HMX1: variants seen among roughly 807,000 people sequenced by gnomAD.
HMX1 encodes homeobox protein HMX1.
A neutral mutation model predicts 8.9 loss-of-function variants in HMX1; 8 were observed. That is an observed-to-expected ratio of 0.90 (90% CI 0.53 to 1.63). The LOEUF (loss-of-function observed/expected upper bound fraction) is 1.63, where lower values mean the gene tolerates loss of function less well. Ranked by LOEUF, HMX1 falls within the 40% of genes most tolerant of loss-of-function variation. The pLI is 0.00. For synonymous variants in HMX1, 311 were observed against 283.4 expected (o/e 1.10, Z -0.98); for missense variants, 621 against 558.5 (o/e 1.11, Z -1.13).
chr4:8,850,883 G>A (rs1341723516), intron 1 of HMX1, among the ~76,000 whole-genome samples: 1 of 152,216 alleles, frequency 6.6e-6, no homozygotes, highest in African/African-American at 2.4e-5. Flanking sequence ...TGGTCTCCAG[G>A]ACAGTGCCCA....
chr4:8,850,596 CAT>C (rs1721416697), intron 1 of HMX1, among the ~76,000 whole-genome samples: 1 of 152,362 alleles, frequency 6.6e-6, no homozygotes, highest in South Asian at 2.1e-4. Context: ...CCCCACAACA[CAT>C]GACTTGCCCA....
In HMX1 at chr4:8,846,326, T is replaced by C. The variant is rs1443823996; in HGVS notation, c.395-2A>G. 8 of 1,533,722 alleles carry C rather than the reference T, an allele frequency of 5.2e-6. No homozygotes were observed. Among genetic ancestry groups the C allele is most frequent in the African/African-American group, 2.7e-5 (2 of 73,092 alleles). The stretch of plus-strand genomic sequence containing the variant: ...GCTGAGGTGTAATCTTCTGTGTGCC[T>C]GCAGGGGAGAAAAACCAGGTATTGG... On this transcript the variant is annotated splice_acceptor_variant, in intron 1 of 1. Coordinates refer to the HMX1 transcript ENST00000506970. LOFTEE classifies it high-confidence loss of function.
At chr4:8,852,435 G>A (rs2109454957) in intron 1 of HMX1, among the ~76,000 whole-genome samples, 1 of 152,276 alleles carries the variant, frequency 6.6e-6, no homozygotes, top group African/African-American at 2.4e-5. Flanking sequence ...CGGAAGCCTT[G>A]GACAAAGCCA....
intron 1 of HMX1, among the ~76,000 whole-genome samples, chr4:8,861,213 G>A (rs1361992268): frequency 6.6e-6 from 1 of 152,170 alleles, no homozygotes; most frequent in Non-Finnish European, 1.5e-5. Context: ...GCCGAGCAGG[G>A]ATGAACCTGG....
At chr4:8,854,230 G>T (rs924229268) in intron 1 of HMX1, among the ~76,000 whole-genome samples, 1 of 152,184 alleles carries the variant, frequency 6.6e-6, no homozygotes, top group Non-Finnish European at 1.5e-5. Context: ...AGGGGCTGTC[G>T]GCCACCCCTG....
Position 8,868,391 on chromosome 4 carries a change from AC to A in HMX1, c.395-47del. On this transcript the variant is annotated intron_variant, in intron 1 of 1. Coordinates refer to ENST00000400677, the MANE Select transcript of HMX1 (RefSeq NM_018942.3). This position sits in a 1 kb window ranked among gnomAD's most constrained non-coding sequence, Gnocchi z 4.6. ...CACCGTTGGTTCTAGGGCACTGATT[AC>A]CAGACTCAATCACTGAGGCCAGCCG... The A allele has an allele frequency of 7.6e-7, 1 of 1,310,846 alleles. No homozygotes were observed. Among genetic ancestry groups the A allele is most frequent in the East Asian group, 3.2e-5 (1 of 31,660 alleles). The allele number at this position is 1,310,846 out of a possible 1,614,324, so 81.2% of individuals were successfully genotyped here. A position where few individuals can be genotyped will look rare whatever the true frequency, so the allele number is the denominator to read the frequency against.
chr4:8,862,477 G>A (rs541133903), downstream of HMX1, among the ~76,000 whole-genome samples: 1 of 152,322 alleles, frequency 6.6e-6, no homozygotes, highest in African/African-American at 2.4e-5. Context: ...CTTAAACCGT[G>A]ACCAATCTAG....
chr4:8,847,574 G>C lies in HMX1; in HGVS notation c.395-1250C>G, dbSNP rs146217236. On this transcript the variant is annotated intron_variant, in intron 1 of 1. Coordinates refer to the HMX1 transcript ENST00000506970. The surrounding 1 kb of genome is among the most constrained non-coding windows in gnomAD (Gnocchi z 6.0). ...GGAACATCGGCCAGACACTGGACAC[G>C]TGCAAACCACCCCCTTCTGTCCCCA... 6.6e-6 allele frequency among the ~76,000 whole-genome samples: 1 copy of C among 152,192 alleles called. No homozygotes were observed. The highest frequency in any genetic ancestry group is 1.5e-5 in the Non-Finnish European group (1 of 68,048).
chr4:8,846,280 G>A lies in HMX1; in HGVS notation c.439C>T (p.Gln147Ter). ...TTGTATTTATCAGCTCTGGTCACCT[G>A]CCCCTCTCCACACTGCACAGGCTGA... is the stretch of plus-strand genomic sequence containing the variant. The change falls in exon 2 of 2, where the codon CAG becomes TAG. Residue 147 changes from glutamine (Q) to a stop codon, truncating the protein, a stop_gained. Coordinates refer to the HMX1 transcript ENST00000506970. LOFTEE classifies it low-confidence loss of function (END_TRUNC). The A allele has an allele frequency of 6.5e-7, 1 of 1,535,324 alleles. No individual in the cohort carries two copies. The highest frequency in any genetic ancestry group is 1.4e-5 in the African/African-American group (1 of 73,156).
rs1256285636 is a variant in HMX1 at position 8,871,507 on chromosome 4, G to A, written c.108C>T (p.Thr36=). Residue 36 remains threonine, a synonymous_variant, in exon 1 of 2, where the codon ACC becomes ACT. Coordinates refer to ENST00000400677, the MANE Select transcript of HMX1 (RefSeq NM_018942.3). This position sits in a 1 kb window ranked among gnomAD's most constrained non-coding sequence, Gnocchi z 4.8. ...AAEAKGAGRA[T]QGDGSREDEE... The stretch of plus-strand genomic sequence containing the variant: ...CGTCCTCCCGGCTGCCGTCGCCCTG[G>A]GTCGCGCGCCCTGCGCCCTTGGCCT... 1 of 1,338,246 alleles carries A rather than the reference G, an allele frequency of 7.5e-7. No individual in the cohort carries two copies. The highest frequency in any genetic ancestry group is 1.7e-5 in the South Asian group (1 of 59,144). The allele number at this position is 1,338,246 out of a possible 1,614,324, so 82.9% of individuals were successfully genotyped here. A position where few individuals can be genotyped will look rare whatever the true frequency, so the allele number is the denominator to read the frequency against.
chr4:8,868,364 A>G lies in HMX1; in HGVS notation c.395-19T>C. 7.4e-7 allele frequency: 1 copy of G among 1,352,720 alleles called. No individual in the cohort carries two copies. The highest frequency in any genetic ancestry group is 9.4e-7 in the Non-Finnish European group (1 of 1,058,860). 83.8% of individuals were successfully genotyped at this position (1,352,720 alleles called of 1,614,324 possible). ...TCGCTGGCTGCAGGGGAGAGAGGGCACCACCGTTGGTTCTAGGGCACTGAT... is the reference window on the plus strand; with the variant it reads ...TCGCTGGCTGCAGGGGAGAGAGGGCGCCACCGTTGGTTCTAGGGCACTGAT... On this transcript the variant is annotated intron_variant, in intron 1 of 1. Coordinates refer to ENST00000400677, the MANE Select transcript of HMX1 (RefSeq NM_018942.3). This position sits in a 1 kb window ranked among gnomAD's most constrained non-coding sequence, Gnocchi z 4.6.
intron 1 of HMX1, among the ~76,000 whole-genome samples, chr4:8,859,756 C>CG: frequency 6.6e-6 from 1 of 152,352 alleles, no homozygotes; most frequent in Admixed American, 6.5e-5. Context: ...GACATCCCCC[C>CG]GCCCCTTCGT....
intron 1 of HMX1, among the ~76,000 whole-genome samples, chr4:8,861,120 CT>C (rs1383383874): frequency 6.6e-6 from 1 of 152,112 alleles, no homozygotes; most frequent in Admixed American, 6.5e-5. Flanking sequence ...GCTGGCGCCA[CT>C]GTCGGGGTTC....
chr4:8,867,731 C>T lies in HMX1; in HGVS notation c.1009G>A (p.Val337Met), dbSNP rs1416474664. 3.9e-6 allele frequency: 5 copies of T among 1,287,720 alleles called. No individual in the cohort carries two copies. The East Asian group carries it at 1.2e-4, about 32-fold the overall frequency. The allele number at this position is 1,287,720 out of a possible 1,614,324, so 79.8% of individuals were successfully genotyped here. A position where few individuals can be genotyped will look rare whatever the true frequency, so the allele number is the denominator to read the frequency against. Residue 337 changes from valine (V) to methionine (M), a missense_variant, in exon 2 of 2, where the codon GTG becomes ATG. Coordinates refer to ENST00000400677, the MANE Select transcript of HMX1 (RefSeq NM_018942.3). Reference sequence around the variant, plus strand: ...GGCATCTGCGCCCGCAGAAAGGGCACGGAGGCGGCGGCCGGGAAGGCGGCC... The same window carrying T: ...GGCATCTGCGCCCGCAGAAAGGGCATGGAGGCGGCGGCCGGGAAGGCGGCC... ...PLAAFPAAASVPFLRAQMPGL... is the reference protein window; with the variant it reads ...PLAAFPAAASMPFLRAQMPGL...
In HMX1 at chr4:8,871,537, C is replaced by G; in HGVS notation, c.78G>C (p.Ala26=). Residue 26 remains alanine, a synonymous_variant, in exon 1 of 2, where the codon GCG becomes GCC. Coordinates refer to ENST00000400677, the MANE Select transcript of HMX1 (RefSeq NM_018942.3). This position sits in a 1 kb window ranked among gnomAD's most constrained non-coding sequence, Gnocchi z 4.8. ...CGCGCCCTGCGCCCTTGGCCTCGGCCGCCAGCAGGTTCTCGATGAGGAAGG... is the reference window on the plus strand; with the variant it reads ...CGCGCCCTGCGCCCTTGGCCTCGGCGGCCAGCAGGTTCTCGATGAGGAAGG... The part of the protein sequence containing the change: ...ASSFLIENLL[A]AEAKGAGRAT... 1 of 1,361,734 alleles carries G rather than the reference C, an allele frequency of 7.3e-7. No individual in the cohort carries two copies. Among genetic ancestry groups the G allele is most frequent in the Admixed American group, 3.2e-5 (1 of 31,204 alleles). 84.4% of individuals were successfully genotyped at this position (1,361,734 alleles called of 1,614,324 possible).
intron 1 of HMX1, chr4:8,860,976 G>GGCGGGGGC (rs1560176162): frequency 3.3e-5 from 5 of 150,860 alleles, no homozygotes; most frequent in East Asian, 3.9e-4. Context: ...CGAGGGCGGG[G>GGCGGGGGC]GAGGGGGCGG....
At position 8,849,314 on chromosome 4, in the gene HMX1, C is replaced by T. The variant is rs1721370592; in HGVS notation, c.395-2990G>A. On this transcript the variant is annotated intron_variant, in intron 1 of 1. Coordinates refer to the HMX1 transcript ENST00000506970. This position sits in a 1 kb window ranked among gnomAD's most constrained non-coding sequence, Gnocchi z 6.6. ...AAGCTGAAATGCAGGCAGGGCCCTA[C>T]CCCAAGCTGAGTGGTGTGTGAGGAC... Among the ~76,000 whole-genome samples the T allele has an allele frequency of 6.6e-6, 1 of 152,012 alleles. No homozygotes were observed. Among genetic ancestry groups the T allele is most frequent in the South Asian group, 2.1e-4 (1 of 4,826 alleles).
chr4:8,868,277 G>A lies in HMX1; in HGVS notation c.463C>T (p.Pro155Ser), dbSNP rs1178285019. 4 of 1,439,528 alleles carry A rather than the reference G, an allele frequency of 2.8e-6. No homozygotes were observed. The East Asian group carries it at 1.2e-4, about 44-fold the overall frequency. 89.2% of individuals were successfully genotyped at this position (1,439,528 alleles called of 1,614,324 possible). The change falls in exon 2 of 2, where the codon CCC (proline) becomes TCC (serine). Residue 155 changes from proline to serine, a missense_variant. Transcript: ENST00000400677. The surrounding 1 kb of genome is among the most constrained non-coding windows in gnomAD (Gnocchi z 4.6). ...TCCCGCTGCACCGCTCCCGGCCCGGGGCCTCGCGGCCAGGCGCCCTCCGCA... is the reference window on the plus strand; with the variant it reads ...TCCCGCTGCACCGCTCCCGGCCCGGAGCCTCGCGGCCAGGCGCCCTCCGCA... Reference protein sequence around the residue: ...GRAEGAWPRGPGPGAVQREAA... With the variant: ...GRAEGAWPRGSGPGAVQREAA...
chr4:8,867,743 C>A lies in HMX1; in HGVS notation c.997G>T (p.Ala333Ser). Residue 333 changes from alanine (A) to serine (S), a missense_variant, in exon 2 of 2, where the codon GCC becomes TCC. By Grantham distance (99) the Ala-to-Ser change is moderately conservative (BLOSUM62 1). Coordinates refer to ENST00000400677, the MANE Select transcript of HMX1 (RefSeq NM_018942.3). Reference sequence around the variant, plus strand: ...CGCAGAAAGGGCACGGAGGCGGCGGCCGGGAAGGCGGCCAGCGGGTAGGCG... The same window carrying A: ...CGCAGAAAGGGCACGGAGGCGGCGGACGGGAAGGCGGCCAGCGGGTAGGCG... ...ALAYPLAAFP[A>S]AASVPFLRAQ... 2.3e-6 allele frequency: 3 copies of A among 1,290,718 alleles called. No homozygotes were observed. Among genetic ancestry groups the A allele is most frequent in the Non-Finnish European group, 2.9e-6 (3 of 1,022,862 alleles). The allele number at this position is 1,290,718 out of a possible 1,614,324, so 80.0% of individuals were successfully genotyped here.
Sources: gnomAD v4.1 joint callset for allele counts (sites outside exome capture counted in the v4.1 genomes callset) on GRCh38, gnomAD v4.1.1 for gene constraint, Gnocchi (gnomAD v3.1) non-coding constraint, MANE v1.5 for transcripts, NCBI Gene and HGNC (gene_info 2026-07-23, HGNC 2026-07-21) for gene names.